Variants in COL18A1 observed in about 807,000 individuals in gnomAD.
COL18A1 encodes collagen type XVIII alpha 1 chain.
Under a neutral mutation model 168.0 loss-of-function variants are expected in COL18A1, and 133 were observed. The observed-to-expected ratio is 0.79, with a 90% CI of 0.69 to 0.91. COL18A1 has a LOEUF of 0.91. COL18A1 is among the 40% of genes least tolerant of loss of function. The pLI is 0.00. For synonymous variants in COL18A1, 949 were observed against 809.0 expected (o/e 1.17, Z -2.94); for missense variants, 2,126 against 1,925.4 (o/e 1.10, Z -1.95).
At chr21:45,406,210 G>A (rs2033104286) in intron 2 of COL18A1, among the ~76,000 whole-genome samples, 1 of 152,190 alleles carries the variant, frequency 6.6e-6, no homozygotes, top group South Asian at 2.1e-4. Context: ...GCCCGGGGGA[G>A]GCGGCGGGGA....
chr21:45,436,614 T>A (rs2145794334), intron 2 of COL18A1, among the ~76,000 whole-genome samples: 1 of 140,186 alleles, frequency 7.1e-6, no homozygotes, highest in South Asian at 2.6e-4. Flanking sequence ...GGCGGGAAAG[T>A]GCCCCACCCC....
intron 13 of COL18A1, among the ~76,000 whole-genome samples, chr21:45,481,666 G>A (rs781170271): frequency 7.9e-5 from 12 of 152,226 alleles, no homozygotes; most frequent in African/African-American, 1.2e-4. Context: ...CCATATTCAC[G>A]CATGTGGCCA....
chr21:45,490,409 A>C, intron 20 of COL18A1, 63 bp downstream of exon 20: 1 of 1,277,502 alleles, frequency 7.8e-7, no homozygotes, highest in Non-Finnish European at 1.1e-6. Flanking sequence ...GACTATGCTA[A>C]GATGAAAGCT....
At position 45,494,900 on chromosome 21, in the gene COL18A1, C is replaced by T. The variant is rs752276576; in HGVS notation, c.2418C>T (p.Gly806=). 11 of 1,610,780 alleles carry T rather than the reference C, an allele frequency of 6.8e-6. No individual in the cohort carries two copies. Among genetic ancestry groups the T allele is most frequent in the Non-Finnish European group, 9.3e-6 (11 of 1,179,038 alleles). Residue 806 remains glycine, a synonymous_variant, in exon 28 of 42, where the codon GGC becomes GGT. Coordinates refer to ENST00000651438, the MANE Select transcript of COL18A1 (RefSeq NM_001379500.1). ...GGCCGGGGTACAAGGGAGAGATTGG[C>T]TTTCCTGGACGGCCGGTGAGGACCT... is the stretch of plus-strand genomic sequence containing the variant. ...YGRPGYKGEI[G]FPGRPGRPGM... is the part of the protein sequence containing the mutation.
At position 45,492,692 on chromosome 21, in the gene COL18A1, GC is replaced by G. The variant is rs750601332; in HGVS notation, c.2195del (p.Pro732ArgfsTer85). ...VLSVPGPEGRPGFAGFPGPAG... is the reference protein window; with the variant it reads ...VLSVPGPEGRXGFAGFPGPAG... ...CGCCGTCCCTCTTTCCCCAGGGCCG[GC>G]CGGGTTTCGCAGGCTTTCCCGTGAG... On this transcript the variant is annotated frameshift_variant, in exon 24 of 42. Coordinates refer to ENST00000651438, the MANE Select transcript of COL18A1 (RefSeq NM_001379500.1). LOFTEE classifies it high-confidence loss of function. The G allele has an allele frequency of 6.2e-7, 1 of 1,610,634 alleles. No individual in the cohort carries two copies. The highest frequency in any genetic ancestry group is 1.1e-5 in the South Asian group (1 of 91,062).
chr21:45,498,784 T>C lies in COL18A1; in HGVS notation c.2683+1123T>C, dbSNP rs2036637171. Among the ~76,000 whole-genome samples the C allele has an allele frequency of 1.3e-5, 2 of 152,138 alleles. No individual in the cohort carries two copies. The highest frequency in any genetic ancestry group is 4.1e-4 in the South Asian group (2 of 4,826). On this transcript the variant is annotated intron_variant, in intron 32 of 41. Coordinates refer to ENST00000651438, the MANE Select transcript of COL18A1 (RefSeq NM_001379500.1). The surrounding 1 kb of genome is among the most constrained non-coding windows in gnomAD (Gnocchi z 4.5). ...ACACCAGACCAGGAGGCCCAGCTCA[T>C]GGGGTCATCGGACCCACCTTGAACT...
intron 2 of COL18A1, among the ~76,000 whole-genome samples, chr21:45,444,980 A>G (rs1447227405): frequency 2.0e-5 from 3 of 152,188 alleles, no homozygotes; most frequent in Non-Finnish European, 4.4e-5. Context: ...GAATGGCTTT[A>G]TTGAGATGTA....
chr21:45,415,295 AC>A (rs1192279294), intron 2 of COL18A1, among the ~76,000 whole-genome samples: 1 of 152,140 alleles, frequency 6.6e-6, no homozygotes, highest in African/African-American at 2.4e-5. Context: ...CTTCCTGCAC[AC>A]CCAGGGCCAC....
At position 45,471,664 on chromosome 21, in the gene COL18A1, C is replaced by A. The variant is rs2035433386; in HGVS notation, c.652-2231C>A. On this transcript the variant is annotated intron_variant, in intron 3 of 41. Coordinates refer to ENST00000651438, the MANE Select transcript of COL18A1 (RefSeq NM_001379500.1). The surrounding 1 kb of genome is among the most constrained non-coding windows in gnomAD (Gnocchi z 4.4). ...GAGTCAGGTTTGTCAGTGGTCGTCT[C>A]CCGGGAAATCATGCACCCCTCCCAG... Among the ~76,000 whole-genome samples, 2 of 152,178 alleles carry A rather than the reference C, an allele frequency of 1.3e-5. No homozygotes were observed. Among genetic ancestry groups the A allele is most frequent in the African/African-American group, 4.8e-5 (2 of 41,438 alleles).
chr21:45,430,281 C>A (rs573529319), intron 2 of COL18A1, among the ~76,000 whole-genome samples: 6 of 152,230 alleles, frequency 3.9e-5, no homozygotes, highest in Non-Finnish European at 5.9e-5. Context: ...CGCCCTCTCG[C>A]CTTCTCCTGA....
Position 45,497,636 on chromosome 21 carries a change from A to T in COL18A1, c.2658A>T (p.Gly886=). The T allele has an allele frequency of 6.4e-7, 1 of 1,570,210 alleles. No individual in the cohort carries two copies. Among genetic ancestry groups the T allele is most frequent in the Non-Finnish European group, 8.6e-7 (1 of 1,158,044 alleles). Residue 886 remains glycine, a synonymous_variant, in exon 32 of 42, where the codon GGA becomes GGT. Transcript: ENST00000651438. ...CTCCAGGACCCAAGGGCGCCAAAGG[A>T]GAAGTGGGCCCCCCCGGACCACCAG... ...QGPPGPKGAK[G]EVGPPGPPGQ...
intron 3 of COL18A1, among the ~76,000 whole-genome samples, chr21:45,470,474 TTTGTGGGTTTTTTTTTTG>T: frequency 7.0e-6 from 1 of 143,846 alleles, no homozygotes; most frequent in South Asian, 2.2e-4. Context: ...GTGTGGTTTT[TTTGTGGGTTTTTTTTTTG>T]TTTTTTTTTT....
At chr21:45,474,465 T>C (rs2035564960) in intron 4 of COL18A1, among the ~76,000 whole-genome samples, 1 of 143,150 alleles carries the variant, frequency 7.0e-6, no homozygotes, top group East Asian at 2.0e-4. Flanking sequence ...TGTGTCTCTG[T>C]GTGTGGTGTG....
At chr21:45,494,479 C>G (rs939792095) in intron 26 of COL18A1, 66 bp from the exon 27 acceptor site, 8 of 1,611,298 alleles carry the variant, frequency 5.0e-6, no homozygotes, top group Non-Finnish European at 6.8e-6. Flanking sequence ...CACAGGGGCC[C>G]TCAGAGAGGC....
In COL18A1 at chr21:45,495,445, C is replaced by T. The variant is rs757741271; in HGVS notation, c.2508+13C>T. 1 of 1,598,340 alleles carries T rather than the reference C, an allele frequency of 6.3e-7. No individual in the cohort carries two copies. Among genetic ancestry groups the T allele is most frequent in the Non-Finnish European group, 8.5e-7 (1 of 1,171,410 alleles). On this transcript the variant is annotated intron_variant, in intron 29 of 41. Coordinates refer to ENST00000651438, the MANE Select transcript of COL18A1 (RefSeq NM_001379500.1). ...ATTTGGCATGAGGGTGAGTGTCTCT[C>T]AAGGGGCGGACTGGGTGGCTGGGAG...
intron 4 of COL18A1, among the ~76,000 whole-genome samples, chr21:45,475,248 T>C (rs2035606272): frequency 6.6e-6 from 1 of 152,196 alleles, no homozygotes; most frequent in African/African-American, 2.4e-5. Context: ...GAAGCGTCAC[T>C]GTCCTCGACC....
At chr21:45,475,442 A>C in intron 4 of COL18A1, 34 bp from the exon 5 acceptor site, 1 of 1,564,698 alleles carries the variant, frequency 6.4e-7, no homozygotes, top group Non-Finnish European at 8.7e-7. Context: ...CCTGGCTGCC[A>C]TCTCTCCAGC....
intron 2 of COL18A1, among the ~76,000 whole-genome samples, chr21:45,418,986 G>C (rs2033538424): frequency 6.6e-6 from 1 of 152,204 alleles, no homozygotes; most frequent in Admixed American, 6.5e-5. Context: ...CAGTCTGGGG[G>C]CATCAGGGCT....
At chr21:45,449,985 G>T (rs988095330) in intron 2 of COL18A1, among the ~76,000 whole-genome samples, 5 of 152,236 alleles carry the variant, frequency 3.3e-5, no homozygotes, top group Non-Finnish European at 7.3e-5. Context: ...AACTAGTTGC[G>T]CCACAGAAAG....
Sources: gnomAD v4.1 joint callset for allele counts (sites outside exome capture counted in the v4.1 genomes callset) on GRCh38, gnomAD v4.1.1 for gene constraint, Gnocchi (gnomAD v3.1) non-coding constraint, MANE v1.5 for transcripts, NCBI Gene and HGNC (gene_info 2026-07-23, HGNC 2026-07-21) for gene names.